Variants in CTNNA3 observed in about 807,000 individuals in gnomAD.
CTNNA3 encodes catenin alpha-3.
Under a neutral mutation model 95.7 loss-of-function variants are expected in CTNNA3, and 76 were observed. That is an observed-to-expected ratio of 0.79 (90% CI 0.66 to 0.96). The LOEUF is 0.96. Among genes scored for constraint, CTNNA3 ranks in the 40% least tolerant of loss-of-function variants. The pLI, the probability that CTNNA3 is intolerant of heterozygous loss-of-function variation, is 0.00. For missense variants in CTNNA3, 1,191 were observed against 1,089.8 expected, an observed-to-expected ratio of 1.09 and a Z score of -1.31; for synonymous variants, 431 against 374.4, an observed-to-expected ratio of 1.15 and a Z score of -1.74.
chr10:66,485,294 A>G (rs1253901334), intron 11 of CTNNA3, among the ~76,000 whole-genome samples: 1 of 152,140 alleles, frequency 6.6e-6, no homozygotes, highest in African/African-American at 2.4e-5. Context: ...AAGAAGTTAA[A>G]ATATCACTGT....
At chr10:67,738,613 A>C (rs1451287644) in intron 1 of CTNNA3, among the ~76,000 whole-genome samples, 1 of 152,142 alleles carries the variant, frequency 6.6e-6, no homozygotes, top group East Asian at 1.9e-4. Flanking sequence ...AGTTGAGAGA[A>C]GAAGGCTTCA....
chr10:65,956,966 G>C (rs1269306025), intron 17 of CTNNA3, among the ~76,000 whole-genome samples: 2 of 151,488 alleles, frequency 1.3e-5, no homozygotes, highest in Admixed American at 6.6e-5. Flanking sequence ...TCCCGTTGAT[G>C]TGTCTAATGT....
chr10:66,000,545 T>C (rs979178420), intron 15 of CTNNA3, among the ~76,000 whole-genome samples: 4 of 152,216 alleles, frequency 2.6e-5, no homozygotes, highest in Non-Finnish European at 5.9e-5. Flanking sequence ...CCCTAAATCG[T>C]TGAAAACATA....
intron 1 of CTNNA3, among the ~76,000 whole-genome samples, chr10:67,677,748 C>T (rs1390610725): frequency 6.6e-6 from 1 of 152,084 alleles, no homozygotes; most frequent in Non-Finnish European, 1.5e-5. Context: ...GAAAGAATGA[C>T]ATATTGTACT....
chr10:66,244,329 G>A (rs536154364), intron 13 of CTNNA3, among the ~76,000 whole-genome samples: 25 of 152,336 alleles, frequency 1.6e-4, no homozygotes, highest in African/African-American at 5.1e-4. Flanking sequence ...CTTTCCACCC[G>A]GAAGGGAAGG....
At chr10:67,700,409 G>C (rs900947414), upstream of CTNNA3, among the ~76,000 whole-genome samples, 1 of 152,148 alleles carries the variant, frequency 6.6e-6, no homozygotes, top group East Asian at 1.9e-4. Context: ...CACACGGCCA[G>C]GTACTCCTCT....
intron 13 of CTNNA3, among the ~76,000 whole-genome samples, chr10:66,222,310 T>C (rs1441822951): frequency 1.3e-5 from 2 of 152,192 alleles, no homozygotes; most frequent in Non-Finnish European, 2.9e-5. Flanking sequence ...ATTACTACTC[T>C]GTATTTGATA....
At chr10:67,309,382 T>G (rs1222932444) in intron 5 of CTNNA3, among the ~76,000 whole-genome samples, 1 of 152,130 alleles carries the variant, frequency 6.6e-6, no homozygotes, top group Non-Finnish European at 1.5e-5. Context: ...TTCATAAACC[T>G]TTCCTACATT....
At chr10:66,702,655 G>A (rs968524962) in intron 9 of CTNNA3, among the ~76,000 whole-genome samples, 1 of 139,832 alleles carries the variant, frequency 7.2e-6, no homozygotes, top group Non-Finnish European at 1.5e-5. Flanking sequence ...GCAGTGAGCC[G>A]AGATCATGCC....
chr10:66,078,431 T>C (rs946526523), intron 14 of CTNNA3, among the ~76,000 whole-genome samples: 1 of 151,882 alleles, frequency 6.6e-6, no homozygotes, highest in Non-Finnish European at 1.5e-5. Flanking sequence ...GTCTCTTTCA[T>C]AAAATGACTT....
chr10:66,331,428 A>T (rs2092329559), intron 12 of CTNNA3, among the ~76,000 whole-genome samples: 2 of 129,564 alleles, frequency 1.5e-5, no homozygotes, highest in Admixed American at 2.0e-4. Flanking sequence ...ATCTCGACTC[A>T]CTGCAAGCTC....
At chr10:67,001,779 T>C (rs1851703566) in intron 7 of CTNNA3, among the ~76,000 whole-genome samples, 1 of 152,122 alleles carries the variant, frequency 6.6e-6, no homozygotes, top group South Asian at 2.1e-4. Flanking sequence ...TCAAAGCATG[T>C]AATAAAAAAG....
chr10:66,977,263 C>G (rs780225776), intron 7 of CTNNA3, among the ~76,000 whole-genome samples: 71 of 151,990 alleles, frequency 4.7e-4, no homozygotes, highest in Admixed American at 1.6e-3. Flanking sequence ...ATGGTGAAAC[C>G]CCGTCTCTAC....
At chr10:67,651,915 T>G (rs1839889093) in intron 1 of CTNNA3, among the ~76,000 whole-genome samples, 1 of 152,242 alleles carries the variant, frequency 6.6e-6, no homozygotes, top group Non-Finnish European at 1.5e-5. Flanking sequence ...GATCATCTTT[T>G]TACCTATGTT....
chr10:66,793,277 GAC>G (rs1159368906), intron 7 of CTNNA3, among the ~76,000 whole-genome samples: 2 of 151,994 alleles, frequency 1.3e-5, no homozygotes, highest in Non-Finnish European at 2.9e-5. Context: ...GAGTAGCTGG[GAC>G]TACAGGTGCA....
At chr10:66,363,212 A>C (rs2092689070) in intron 12 of CTNNA3, among the ~76,000 whole-genome samples, 1 of 152,240 alleles carries the variant, frequency 6.6e-6, no homozygotes, top group Admixed American at 6.5e-5. Flanking sequence ...TTTAGTTTGA[A>C]GAAAGGACAC....
chr10:66,311,750 A>T (rs1163775870), intron 12 of CTNNA3, among the ~76,000 whole-genome samples: 1 of 152,214 alleles, frequency 6.6e-6, no homozygotes, highest in East Asian at 1.9e-4. Flanking sequence ...ATATGCATAG[A>T]ACTCTTGTAT....
At chr10:66,924,632 T>C (rs1032542774) in intron 7 of CTNNA3, among the ~76,000 whole-genome samples, 7 of 152,196 alleles carry the variant, frequency 4.6e-5, no homozygotes, top group African/African-American at 2.4e-5. Context: ...CTCACTAAAG[T>C]TGTTCTTTGT....
At chr10:67,019,869 AT>A (rs746057648) in intron 7 of CTNNA3, among the ~76,000 whole-genome samples, 4 of 152,110 alleles carry the variant, frequency 2.6e-5, no homozygotes, top group Admixed American at 6.6e-5. Flanking sequence ...TTCTTGCCTA[AT>A]TTTCTCCATT....
Sources: gnomAD v4.1 joint callset for allele counts (sites outside exome capture counted in the v4.1 genomes callset) on GRCh38, gnomAD v4.1.1 for gene constraint, MANE v1.5 for transcripts, NCBI Gene and HGNC (gene_info 2026-07-23, HGNC 2026-07-21) for gene names.